Variants in HDAC4 observed in about 807,000 individuals in gnomAD.
The protein encoded by HDAC4 is histone deacetylase 4, also known as histone deacetylase A.
A neutral mutation model predicts 135.1 loss-of-function variants in HDAC4; 16 were observed. That is an observed-to-expected ratio of 0.12 (90% CI 0.08 to 0.18). HDAC4 has a LOEUF of 0.18. Among genes scored for constraint, HDAC4 ranks in the 10% least tolerant of loss-of-function variants. HDAC4 has a pLI of 1.00. For missense variants in HDAC4, 1,143 were observed against 1,511.8 expected, an observed-to-expected ratio of 0.76 and a Z score of 4.05; for synonymous variants, 685 against 653.4, an observed-to-expected ratio of 1.05 and a Z score of -0.74.
At chr2:239,142,015 G>A (rs1343874192) in intron 8 of HDAC4, among the ~76,000 whole-genome samples, 2 of 152,148 alleles carry the variant, frequency 1.3e-5, no homozygotes, top group Non-Finnish European at 2.9e-5. Context: ...GGAAGATGGT[G>A]AGAACTCAGC....
At chr2:239,194,710 G>A (rs1356661812) in intron 3 of HDAC4, among the ~76,000 whole-genome samples, 1 of 152,242 alleles carries the variant, frequency 6.6e-6, no homozygotes, top group Non-Finnish European at 1.5e-5. Flanking sequence ...ACAGCACAGA[G>A]AGGATGATGC....
chr2:239,381,513 C>T (rs187240163), intron 1 of HDAC4, among the ~76,000 whole-genome samples: 40 of 152,202 alleles, frequency 2.6e-4, no homozygotes, highest in Admixed American at 2.4e-3. Flanking sequence ...TTTCCTCACC[C>T]CCAAGCTGGT....
At chr2:239,304,606 A>C (rs1274641536) in intron 2 of HDAC4, among the ~76,000 whole-genome samples, 1 of 152,108 alleles carries the variant, frequency 6.6e-6, no homozygotes, top group Non-Finnish European at 1.5e-5. Context: ...ACTGGTGAAA[A>C]AACCTCACAC....
intron 7 of HDAC4, among the ~76,000 whole-genome samples, chr2:239,148,801 C>T (rs897305870): frequency 3.9e-5 from 6 of 152,218 alleles, no homozygotes; most frequent in Admixed American, 6.5e-5. Flanking sequence ...ACCGTTCACA[C>T]GCACCGGGCA....
At chr2:239,203,073 T>G (rs762768030) in intron 3 of HDAC4, among the ~76,000 whole-genome samples, 1 of 152,200 alleles carries the variant, frequency 6.6e-6, no homozygotes, top group Non-Finnish European at 1.5e-5. Context: ...CACACAGCCC[T>G]GCAGGGCTCC....
At chr2:239,259,550 G>A (rs538194466) in intron 2 of HDAC4, among the ~76,000 whole-genome samples, 1 of 152,318 alleles carries the variant, frequency 6.6e-6, no homozygotes, top group Non-Finnish European at 1.5e-5. Context: ...AAATTTTCTG[G>A]GAAGCAGCGA....
chr2:239,333,050 G>C (rs1157085280), intron 2 of HDAC4, among the ~76,000 whole-genome samples: 3 of 152,112 alleles, frequency 2.0e-5, no homozygotes, highest in African/African-American at 7.2e-5. Context: ...TATCAGTTGA[G>C]GGTGTAATTT....
At chr2:239,148,172 C>G (rs950238192) in intron 7 of HDAC4, among the ~76,000 whole-genome samples, 1 of 152,176 alleles carries the variant, frequency 6.6e-6, no homozygotes. Context: ...AAGGAGGCAC[C>G]TGCTTCCAGC....
chr2:239,180,566 A>G (rs533597671), intron 4 of HDAC4, among the ~76,000 whole-genome samples: 1 of 152,214 alleles, frequency 6.6e-6, no homozygotes, highest in South Asian at 2.1e-4. Context: ...CAACTGTGTA[A>G]TTTTGTAAGG....
At chr2:239,399,758 G>A (rs543218517) in intron 1 of HDAC4, among the ~76,000 whole-genome samples, 1 of 152,196 alleles carries the variant, frequency 6.6e-6, no homozygotes, top group African/African-American at 2.4e-5. Context: ...AGAGCAAGCA[G>A]AACTGCTCTC....
At chr2:239,388,504 A>T (rs1039604265) in intron 1 of HDAC4, among the ~76,000 whole-genome samples, 1 of 152,190 alleles carries the variant, frequency 6.6e-6, no homozygotes, top group African/African-American at 2.4e-5. Flanking sequence ...CCTTCTCTGG[A>T]GCATCCTCAG....
Position 239,400,731 on chromosome 2 carries a change from C to A in HDAC4, c.-220+247G>T, listed in dbSNP as rs1201806558. 3 of 145,302 alleles carry A rather than the reference C, an allele frequency of 2.1e-5. No individual in the cohort carries two copies. The highest frequency in any genetic ancestry group is 7.4e-5 in the African/African-American group (3 of 40,378). The allele number at this position is 145,302 out of a possible 1,614,324, so 9.0% of individuals were successfully genotyped here. Reference sequence around the variant, plus strand: ...GCGGCCGGCTCTAGCCCTGCTCCGGCGCTCCGCGCCGCATCTCCTCAGCCT... The same window carrying A: ...GCGGCCGGCTCTAGCCCTGCTCCGGAGCTCCGCGCCGCATCTCCTCAGCCT... On this transcript the variant is annotated intron_variant, in intron 1 of 26. Transcript: ENST00000543185. The surrounding 1 kb of genome is among the most constrained non-coding windows in gnomAD (Gnocchi z 4.7).
At chr2:239,129,928 A>C (rs1420295099) in intron 11 of HDAC4, among the ~76,000 whole-genome samples, 2 of 152,196 alleles carry the variant, frequency 1.3e-5, no homozygotes, top group African/African-American at 4.8e-5. Context: ...AAGAAGGTGA[A>C]AGACTGGATT....
At chr2:239,083,649 G>T (rs1416836208) in intron 20 of HDAC4, among the ~76,000 whole-genome samples, 2 of 152,204 alleles carry the variant, frequency 1.3e-5, no homozygotes, top group African/African-American at 4.8e-5. Context: ...GTGGAATTCA[G>T]ATTCGGACAT....
chr2:239,103,779 C>G (rs2037871040), intron 15 of HDAC4, among the ~76,000 whole-genome samples: 1 of 152,252 alleles, frequency 6.6e-6, no homozygotes, highest in Admixed American at 6.5e-5. Context: ...GCTCTCTATG[C>G]CAGCCCAGCA....
intron 24 of HDAC4, among the ~76,000 whole-genome samples, chr2:239,056,781 G>A (rs746995313): frequency 6.6e-6 from 1 of 152,212 alleles, no homozygotes; most frequent in East Asian, 1.9e-4. Context: ...GGAAGGACCC[G>A]GCAAACATCA....
At chr2:239,298,349 A>G in intron 2 of HDAC4, 7 of 1,204,044 alleles carry the variant, frequency 5.8e-6, no homozygotes, top group Non-Finnish European at 7.4e-6. Context: ...AGATGCTTCC[A>G]GAACCTGACA....
At chr2:239,396,951 CAGG>C (rs777638184) in intron 1 of HDAC4, among the ~76,000 whole-genome samples, 39 of 149,362 alleles carry the variant, frequency 2.6e-4, no homozygotes, top group Non-Finnish European at 4.3e-4. Context: ...GGGGACTTTG[CAGG>C]AGAAGAACAT....
At chr2:239,374,861 G>C in intron 1 of HDAC4, among the ~76,000 whole-genome samples, 1 of 152,208 alleles carries the variant, frequency 6.6e-6, no homozygotes, top group Non-Finnish European at 1.5e-5. Context: ...GGTCCTGTCA[G>C]CTGCACAGGC....
Sources: gnomAD v4.1 joint callset for allele counts (sites outside exome capture counted in the v4.1 genomes callset) on GRCh38, gnomAD v4.1.1 for gene constraint, Gnocchi (gnomAD v3.1) non-coding constraint, MANE v1.5 for transcripts, NCBI Gene and HGNC (gene_info 2026-07-23, HGNC 2026-07-21) for gene names.